SIN3B: variants seen among roughly 807,000 people sequenced by gnomAD.
The protein encoded by SIN3B is paired amphipathic helix protein Sin3b.
In SIN3B, 19 loss-of-function variants were observed where a neutral mutation model predicts 120.2. The observed-to-expected ratio is 0.16, with a 90% CI of 0.11 to 0.23. The LOEUF (loss-of-function observed/expected upper bound fraction) is 0.23. Ranked by LOEUF, SIN3B falls within the 10% of genes least tolerant of loss-of-function variation. The pLI is 1.00. For synonymous variants in SIN3B, 654 were observed against 653.2 expected, an observed-to-expected ratio of 1.00 and a Z score of -0.02; for missense variants, 1,073 against 1,573.0, an observed-to-expected ratio of 0.68 and a Z score of 5.38.
chr19:16,844,611 G>T (rs942073103), intron 4 of SIN3B, among the ~76,000 whole-genome samples: 2 of 152,230 alleles, frequency 1.3e-5, no homozygotes, highest in Non-Finnish European at 2.9e-5. Context: ...CTGCAGAGTT[G>T]CAAAGTGTGA....
intron 14 of SIN3B, chr19:16,875,845 G>A (rs1313076702): frequency 3.3e-6 from 2 of 613,350 alleles, no homozygotes; most frequent in African/African-American, 3.8e-5. Flanking sequence ...GTCTGGTCTG[G>A]TCTGGTCTGT....
chr19:16,847,005 A>C lies in SIN3B; in HGVS notation c.618A>C (p.Arg206=). ...TGAACACGAGGGGCCGGCCATTCCG[A>C]GGCATGTCTGAAGAGGAGGTGTTCA... is the stretch of plus-strand genomic sequence containing the variant. ...EQLNTRGRPF[R]GMSEEEVFTE... is the part of the protein sequence containing the mutation. Residue 206 remains arginine (R), a synonymous_variant, in exon 5 of 19, where the codon CGA becomes CGC. Transcript: ENST00000248054. The C allele has an allele frequency of 6.2e-7, 1 of 1,614,132 alleles. No individual in the cohort carries two copies. The highest frequency in any genetic ancestry group is 1.1e-5 in the South Asian group (1 of 91,080).
At chr19:16,854,458 T>G in intron 8 of SIN3B, 197 bp downstream of exon 8, 14 of 521,190 alleles carry the variant, frequency 2.7e-5, no homozygotes, top group East Asian at 1.1e-4. Context: ...CTCCAGCTGG[T>G]TCCTTTACCA....
At chr19:16,842,059 A>G in intron 4 of SIN3B, 91 bp downstream of exon 4, 1 of 1,071,206 alleles carries the variant, frequency 9.3e-7, no homozygotes, top group Non-Finnish European at 1.4e-6. Context: ...CGGAATTCAT[A>G]AAATCCTGTA....
chr19:16,842,201 C>T (rs1179070117), intron 4 of SIN3B, among the ~76,000 whole-genome samples: 1 of 152,014 alleles, frequency 6.6e-6, no homozygotes, highest in African/African-American at 2.4e-5. Flanking sequence ...CATCCTCCAA[C>T]TTCAGCCTCC....
chr19:16,854,314 C>T, intron 8 of SIN3B, 53 bp downstream of exon 8: 4 of 1,139,962 alleles, frequency 3.5e-6, no homozygotes, highest in Non-Finnish European at 5.1e-6. Flanking sequence ...CCTGTCAACT[C>T]CATCTACTTG....
chr19:16,847,182 C>T (rs1971489969), intron 5 of SIN3B, 69 bp downstream of exon 5: 2 of 1,543,654 alleles, frequency 1.3e-6, no homozygotes, highest in Non-Finnish European at 1.8e-6. Context: ...GCCAGCTTGA[C>T]CCATGTCCGG....
At chr19:16,853,778 A>G (rs8100219) in intron 7 of SIN3B, among the ~76,000 whole-genome samples, 93 of 145,008 alleles carry the variant, frequency 6.4e-4, no homozygotes, top group Middle Eastern at 4.2e-3. Flanking sequence ...GGGCTGTGTG[A>G]ATTGCACGGA....
intron 14 of SIN3B, among the ~76,000 whole-genome samples, chr19:16,875,404 GGTTTGGTCTGGTCTGGTCT>G (rs1268854308): frequency 2.8e-5 from 4 of 141,072 alleles, no homozygotes; most frequent in Non-Finnish European, 4.6e-5. Context: ...GGTCTGGTCT[GGTTTGGTCTGGTCTGGTCT>G]GTTTGGTCTG....
chr19:16,865,698 TCCCC>T, intron 11 of SIN3B, 50 bp downstream of exon 11: 1 of 710,178 alleles, frequency 1.4e-6, no homozygotes, highest in Non-Finnish European at 2.0e-6. Flanking sequence ...CCCCCTTCCC[TCCCC>T]TCCCCTCCCC....
rs1321184422 is a variant in SIN3B, at chr19:16,873,499, CA to C, written c.2592+2102del. On this transcript the variant is annotated intron_variant, in intron 14 of 18. Coordinates refer to ENST00000248054, the MANE Select transcript of SIN3B (RefSeq NM_001297595.2). ...GTTGGGGAAGTGACGCAGGGGACGCCAGGGGGCTGGCAGTCTGTCCCCTCCC... is the reference window on the plus strand; with the variant it reads ...GTTGGGGAAGTGACGCAGGGGACGCCGGGGGCTGGCAGTCTGTCCCCTCCC... 6.6e-5 allele frequency among the ~76,000 whole-genome samples: 10 copies of C among 151,342 alleles called. No individual in the cohort carries two copies. The South Asian group carries it at 1.9e-3, about 28-fold the overall frequency.
chr19:16,874,334 G>A (rs1031140664), intron 14 of SIN3B, among the ~76,000 whole-genome samples: 28 of 151,910 alleles, frequency 1.8e-4, no homozygotes, highest in Non-Finnish European at 1.2e-4. Context: ...GTCTGGTCTG[G>A]TCTAGTTTTG....
intron 8 of SIN3B, among the ~76,000 whole-genome samples, chr19:16,858,107 C>A (rs1000943732): frequency 1.3e-5 from 2 of 152,044 alleles, no homozygotes; most frequent in African/African-American, 4.8e-5. Context: ...AAACTCCTGG[C>A]CTCAAGTGAT....
chr19:16,871,275 G>T lies in SIN3B; in HGVS notation c.2469G>T (p.Val823=), dbSNP rs960947190. Residue 823 remains valine (V), a synonymous_variant, in exon 14 of 19, where the codon GTG becomes GTT. Coordinates refer to ENST00000248054, the MANE Select transcript of SIN3B (RefSeq NM_001297595.2). ...EEYYPAFLDM[V]RSLLEGSIDP... is the part of the protein sequence containing the mutation. ...ACTACCCGGCCTTCCTGGACATGGTGCGGAGCCTGCTGGAGGGCAGCATCG... is the reference window on the plus strand; with the variant it reads ...ACTACCCGGCCTTCCTGGACATGGTTCGGAGCCTGCTGGAGGGCAGCATCG... 1 of 1,614,090 alleles carries T rather than the reference G, an allele frequency of 6.2e-7. No homozygotes were observed. The highest frequency in any genetic ancestry group is 8.5e-7 in the Non-Finnish European group (1 of 1,180,056).
At chr19:16,865,306 ACC>A (rs10625481) in intron 10 of SIN3B, 102 bp from the exon 11 acceptor site, 4 of 385,232 alleles carry the variant, frequency 1.0e-5, no homozygotes, top group East Asian at 9.9e-5. Context: ...AAATACACAC[ACC>A]CCCCCCCCAA....
intron 8 of SIN3B, among the ~76,000 whole-genome samples, chr19:16,861,968 G>A (rs1971695209): frequency 6.6e-6 from 1 of 152,130 alleles, no homozygotes; most frequent in African/African-American, 2.4e-5. Context: ...CAAAACACAG[G>A]CAGTGTGCAG....
Position 16,840,296 on chromosome 19 carries a change from A to G in SIN3B, c.382-1472A>G, listed in dbSNP as rs1197657324. ...CTAATCCAGTCTGATTGGTGTCCTT[A>G]TAAGAGAGGAGATTGGGACACACAT... On this transcript the variant is annotated intron_variant, in intron 3 of 18. Coordinates refer to ENST00000248054, the MANE Select transcript of SIN3B (RefSeq NM_001297595.2). Among the ~76,000 whole-genome samples the G allele has an allele frequency of 5.3e-5, 8 of 152,240 alleles. No homozygotes were observed. In the East Asian group the frequency reaches 1.4e-3, roughly 26 times the overall value.
At chr19:16,863,604 C>T (rs2144610925) in intron 9 of SIN3B, 76 bp from the exon 10 acceptor site, 1 of 927,210 alleles carries the variant, frequency 1.1e-6, no homozygotes, top group Non-Finnish European at 1.8e-6. Flanking sequence ...TATCTTGGTA[C>T]TTTCTACACT....
intron 1 of SIN3B, 104 bp from the exon 2 acceptor site, chr19:16,829,687 C>A: frequency 2.3e-6 from 3 of 1,284,754 alleles, no homozygotes; most frequent in Non-Finnish European, 3.3e-6. Flanking sequence ...CCTCTCACCT[C>A]GGCCCTCCGA....
Sources: allele counts gnomAD v4.1 joint callset (sites outside exome capture counted in the v4.1 genomes callset), GRCh38; gene constraint gnomAD v4.1.1; transcripts MANE v1.5; gene names NCBI Gene and HGNC (gene_info 2026-07-23, HGNC 2026-07-21).